The following ITPK1 variants were observed in gnomAD, a reference collection of about 807,000 sequenced individuals.
The protein encoded by ITPK1 is inositol-tetrakisphosphate 1-kinase.
ITPK1 carries 21 observed loss-of-function variants against 45.3 expected under a neutral mutation model. The observed-to-expected ratio is 0.46, with a 90% CI of 0.33 to 0.67. ITPK1 has a LOEUF of 0.67. ITPK1 is among the 30% of genes least tolerant of loss of function. ITPK1 has a pLI of 0.02. For missense variants in ITPK1, 474 were observed against 573.5 expected, an observed-to-expected ratio of 0.83 and a Z score of 1.77; for synonymous variants, 258 against 253.6, an observed-to-expected ratio of 1.02 and a Z score of -0.16.
intron 9 of ITPK1, among the ~76,000 whole-genome samples, chr14:92,947,450 G>A (rs148732961): frequency 8.5e-5 from 13 of 152,368 alleles, no homozygotes; most frequent in African/African-American, 2.9e-4. Flanking sequence ...CAAGGAAGTG[G>A]GGCACTGCAC....
chr14:93,108,521 T>C (rs1156296404), intron 2 of ITPK1, among the ~76,000 whole-genome samples: 2 of 152,194 alleles, frequency 1.3e-5, no homozygotes, highest in African/African-American at 4.8e-5. Context: ...ACCCAGCTCT[T>C]CCAGGTGCCT....
chr14:93,031,805 G>A (rs909326136), intron 3 of ITPK1, among the ~76,000 whole-genome samples: 2 of 152,162 alleles, frequency 1.3e-5, no homozygotes, highest in South Asian at 2.1e-4. Flanking sequence ...TTCAATGTTT[G>A]CTTTATCTCC....
At position 93,076,259 on chromosome 14, in the gene ITPK1, G is replaced by A. The variant is rs968735522; in HGVS notation, c.120+336C>T. Among the ~76,000 whole-genome samples, 8 of 151,992 alleles carry A rather than the reference G, an allele frequency of 5.3e-5. No individual in the cohort carries two copies. Among genetic ancestry groups the A allele is most frequent in the African/African-American group, 1.9e-4 (8 of 41,374 alleles). ...CAGGGTGAGGCTACACAGAGCACAAGACAACTGGACATCTAGCTGGGTGCC... is the reference window on the plus strand; with the variant it reads ...CAGGGTGAGGCTACACAGAGCACAAAACAACTGGACATCTAGCTGGGTGCC... On this transcript the variant is annotated intron_variant, in intron 3 of 10. Transcript: ENST00000267615. The surrounding 1 kb of genome is among the most constrained non-coding windows in gnomAD (Gnocchi z 4.3).
intron 9 of ITPK1, among the ~76,000 whole-genome samples, chr14:92,950,559 T>A (rs576179070): frequency 5.9e-5 from 9 of 152,372 alleles, no homozygotes; most frequent in African/African-American, 1.9e-4. Context: ...GTCTCTAGGC[T>A]GACCCCTTCC....
At position 92,958,107 on chromosome 14, in the gene ITPK1, G is replaced by A; in HGVS notation, c.670+94C>T. On this transcript the variant is annotated intron_variant, in intron 8 of 10. Transcript: ENST00000267615. This position sits in a 1 kb window ranked among gnomAD's most constrained non-coding sequence, Gnocchi z 4.4. Reference sequence around the variant, plus strand: ...CTCCATCCCACCAAGAACACAGGGTGGTTGGGGCAGTGCCGAAGGACAGAC... The same window carrying A: ...CTCCATCCCACCAAGAACACAGGGTAGTTGGGGCAGTGCCGAAGGACAGAC... The A allele has an allele frequency of 8.4e-7, 1 of 1,190,010 alleles. No homozygotes were observed. The highest frequency in any genetic ancestry group is 1.2e-6 in the Non-Finnish European group (1 of 802,540). 73.7% of individuals were successfully genotyped at this position (1,190,010 alleles called of 1,614,324 possible). A position where few individuals can be genotyped will look rare whatever the true frequency, so the allele number is the denominator to read the frequency against.
At chr14:93,084,294 C>T (rs1277842331) in intron 2 of ITPK1, among the ~76,000 whole-genome samples, 1 of 152,264 alleles carries the variant, frequency 6.6e-6, no homozygotes, top group African/African-American at 2.4e-5. Flanking sequence ...CTATGGGCAA[C>T]TGTGTGTCCC....
intron 8 of ITPK1, among the ~76,000 whole-genome samples, chr14:92,953,906 T>A (rs535046611): frequency 6.6e-6 from 1 of 152,318 alleles, no homozygotes; most frequent in South Asian, 2.1e-4. Context: ...TTCTTTTTAT[T>A]TTTTTGAGAT....
intron 2 of ITPK1, among the ~76,000 whole-genome samples, chr14:93,099,285 A>G (rs1892215745): frequency 6.6e-6 from 1 of 152,098 alleles, no homozygotes. Context: ...CAGCTGCTCC[A>G]GGCTCTCAGA....
rs377050334 is a variant in ITPK1, at chr14:93,100,963, C to T, written c.95+14106G>A. Among the ~76,000 whole-genome samples, 245 of 152,302 alleles carry T rather than the reference C, an allele frequency of 1.6e-3. 3 individuals are homozygous for T. The South Asian group carries it at 0.043, about 27-fold the overall frequency. ...GAACTGCCCACGTCCCAGATGGCTG[C>T]GTCAGGGAAGGGGCACCCACTCACT... On this transcript the variant is annotated intron_variant, in intron 2 of 10. Transcript: ENST00000267615.
At chr14:93,086,804 G>T (rs1164338060) in intron 2 of ITPK1, among the ~76,000 whole-genome samples, 1 of 152,210 alleles carries the variant, frequency 6.6e-6, no homozygotes, top group African/African-American at 2.4e-5. Context: ...GGGCACTGGG[G>T]TTTCCTGGGG....
At position 92,975,154 on chromosome 14, in the gene ITPK1, C is replaced by T. The variant is rs960997471; in HGVS notation, c.365-12305G>A. On this transcript the variant is annotated intron_variant, in intron 5 of 10. Transcript: ENST00000267615. The stretch of plus-strand genomic sequence containing the variant: ...GCTCCCCAACGGCTCCCATGGCCTT[C>T]GGAATCAGGTCCAGACTCCTTGCCA... 9.8e-5 allele frequency among the ~76,000 whole-genome samples: 15 copies of T among 152,350 alleles called. No homozygotes were observed. The East Asian group carries it at 1.7e-3, about 18-fold the overall frequency.
chr14:92,981,307 T>C (rs60066578), intron 5 of ITPK1, among the ~76,000 whole-genome samples: 3,092 of 152,298 alleles, frequency 0.02, 108 homozygotes, highest in African/African-American at 0.071. Context: ...CCGCATAGGC[T>C]AAGCAGAAAC....
At chr14:93,083,143 C>T (rs897645920) in intron 2 of ITPK1, among the ~76,000 whole-genome samples, 2 of 152,150 alleles carry the variant, frequency 1.3e-5, no homozygotes, top group Non-Finnish European at 2.9e-5. Flanking sequence ...GGAGCAGAGA[C>T]ACGTCCACGG....
At chr14:93,060,099 C>T (rs1040722798) in intron 3 of ITPK1, among the ~76,000 whole-genome samples, 3 of 152,026 alleles carry the variant, frequency 2.0e-5, no homozygotes, top group Non-Finnish European at 4.4e-5. Context: ...CCTCTCTCTC[C>T]CTGCTTCAGT....
intron 4 of ITPK1, among the ~76,000 whole-genome samples, chr14:93,003,549 A>G (rs1165897040): frequency 6.6e-6 from 1 of 152,228 alleles, no homozygotes; most frequent in East Asian, 1.9e-4. Flanking sequence ...GCATGCAGGT[A>G]AACCTTGGAG....
intron 2 of ITPK1, among the ~76,000 whole-genome samples, chr14:93,101,609 G>A (rs1393811323): frequency 6.6e-6 from 1 of 152,212 alleles, no homozygotes; most frequent in African/African-American, 2.4e-5. Flanking sequence ...AGCACTTTGG[G>A]AAGCCAAGCC....
At chr14:93,041,130 G>A (rs540287041) in intron 3 of ITPK1, among the ~76,000 whole-genome samples, 2 of 152,128 alleles carry the variant, frequency 1.3e-5, no homozygotes, top group Non-Finnish European at 2.9e-5. Flanking sequence ...GCCAGGCGCT[G>A]TCCTCAACCA....
intron 3 of ITPK1, chr14:93,070,044 C>G (rs1277106548): frequency 1.3e-5 from 2 of 152,244 alleles, no homozygotes; most frequent in East Asian, 3.8e-4. Flanking sequence ...GAATCTCTAA[C>G]TGGCTGCTGC....
intron 5 of ITPK1, among the ~76,000 whole-genome samples, chr14:92,985,371 G>A (rs1395842247): frequency 1.3e-5 from 2 of 152,070 alleles, no homozygotes; most frequent in Non-Finnish European, 2.9e-5. Context: ...TGGTCAGATA[G>A]GATGTTAACA....
Sources: gnomAD v4.1 joint callset for allele counts (sites outside exome capture counted in the v4.1 genomes callset) on GRCh38, gnomAD v4.1.1 for gene constraint, Gnocchi (gnomAD v3.1) non-coding constraint, MANE v1.5 for transcripts, NCBI Gene and HGNC (gene_info 2026-07-23, HGNC 2026-07-21) for gene names.